Variants in PKHD1 observed in about 807,000 individuals in gnomAD.
The protein encoded by PKHD1 is PKHD1 ciliary IPT domain containing fibrocystin/polyductin.
Under a neutral mutation model 412.0 loss-of-function variants are expected in PKHD1, and 291 were observed. The observed-to-expected ratio is 0.71, with a 90% CI of 0.64 to 0.78. PKHD1 has a LOEUF of 0.78. PKHD1 is among the 30% of genes least tolerant of loss of function. The pLI is 0.00. For missense variants in PKHD1, 4,825 were observed against 4,950.7 expected (o/e 0.97, Z 0.76); for synonymous variants, 1,777 against 1,821.5 (o/e 0.98, Z 0.62).
chr6:52,021,477 T>C (rs1281854857), intron 33 of PKHD1, among the ~76,000 whole-genome samples: 1 of 152,208 alleles, frequency 6.6e-6, no homozygotes, highest in African/African-American at 2.4e-5. Context: ...TTAGAGCCTA[T>C]AAATGTGCAG....
chr6:52,039,559 C>G (rs1303988567), intron 27 of PKHD1, among the ~76,000 whole-genome samples: 1 of 152,188 alleles, frequency 6.6e-6, no homozygotes, highest in Non-Finnish European at 1.5e-5. Flanking sequence ...GAGTCAATTA[C>G]ACCTCTTTTC....
intron 33 of PKHD1, among the ~76,000 whole-genome samples, chr6:52,020,883 T>A (rs2128135210): frequency 6.7e-6 from 1 of 149,172 alleles, no homozygotes. Flanking sequence ...CCCTTTGACA[T>A]TTGATGTCCA....
chr6:51,762,102 T>C lies in PKHD1; in HGVS notation c.8643-7164A>G, dbSNP rs567439631. The stretch of plus-strand genomic sequence containing the variant: ...CATCATCATGTGTTACCCAAAAAAC[T>C]GCCATAGCAATGTCTTAACAGTTAG... On this transcript the variant is annotated intron_variant, in intron 55 of 66. Coordinates refer to ENST00000371117, the MANE Select transcript of PKHD1 (RefSeq NM_138694.4). Among the ~76,000 whole-genome samples, 256 of 152,204 alleles carry C rather than the reference T, an allele frequency of 1.7e-3. 1 individual carries two copies. The highest frequency in any genetic ancestry group is 0.014 in the Middle Eastern group (4 of 294).
chr6:51,670,455 TG>T (rs1038981626), intron 60 of PKHD1, among the ~76,000 whole-genome samples: 33 of 151,550 alleles, frequency 2.2e-4, no homozygotes, highest in Non-Finnish European at 1.0e-4. Context: ...GCACGTGAGA[TG>T]GGTTTCCTGA....
Position 52,035,442 on chromosome 6 carries a change from A to G in PKHD1, c.3228+149T>C, listed in dbSNP as rs1209207158. On this transcript the variant is annotated intron_variant, in intron 28 of 66. Transcript: ENST00000371117. ...TGGGGTCAGTTTCCCACTTCATAGCAAAACAGACAATATAACTACTACAAG... is the reference window on the plus strand; with the variant it reads ...TGGGGTCAGTTTCCCACTTCATAGCGAAACAGACAATATAACTACTACAAG... 5 of 834,660 alleles carry G rather than the reference A, an allele frequency of 6.0e-6. No homozygotes were observed. In the African/African-American group the frequency reaches 8.3e-5, roughly 14 times the overall value. 51.7% of individuals were successfully genotyped at this position (834,660 alleles called of 1,614,324 possible). A position where few individuals can be genotyped will look rare whatever the true frequency, so the allele number is the denominator to read the frequency against.
At chr6:51,808,552 A>G (rs9395727) in intron 52 of PKHD1, among the ~76,000 whole-genome samples, 86,086 of 151,788 alleles carry the variant, frequency 0.57, 24,785 homozygotes, top group East Asian at 0.78. Flanking sequence ...GTGTTTATGT[A>G]TGTGTGTCTT....
chr6:51,735,484 G>A (rs541732548), intron 60 of PKHD1, among the ~76,000 whole-genome samples: 151 of 152,146 alleles, frequency 9.9e-4, no homozygotes, highest in Non-Finnish European at 1.5e-3. Flanking sequence ...TAGAATAATT[G>A]TACAATCTCA....
chr6:51,932,771 C>G (rs1004978769), intron 37 of PKHD1, among the ~76,000 whole-genome samples: 3 of 152,162 alleles, frequency 2.0e-5, no homozygotes, highest in Non-Finnish European at 4.4e-5. Flanking sequence ...ATTTGATCCC[C>G]AGTGTCTAGC....
At chr6:52,058,271 G>T (rs1014004308) in intron 16 of PKHD1, 52 bp downstream of exon 16, 54 of 1,592,028 alleles carry the variant, frequency 3.4e-5, no homozygotes, top group African/African-American at 6.7e-5. Context: ...TGCTACATGG[G>T]ACTTTATTCC....
At chr6:51,785,227 T>G (rs1792673110) in intron 53 of PKHD1, among the ~76,000 whole-genome samples, 1 of 152,164 alleles carries the variant, frequency 6.6e-6, no homozygotes, top group Non-Finnish European at 1.5e-5. Flanking sequence ...AGAGGAATTA[T>G]TTTCTCCTTA....
intron 35 of PKHD1, among the ~76,000 whole-genome samples, chr6:51,986,078 A>G (rs1796179607): frequency 6.6e-6 from 1 of 152,254 alleles, no homozygotes; most frequent in Admixed American, 6.5e-5. Flanking sequence ...AATGGGATTA[A>G]TAGGAATAAT....
In PKHD1 at chr6:51,747,732, A is replaced by G. The variant is rs1294668333; in HGVS notation, c.9829+55T>C. The G allele has an allele frequency of 2.0e-6, 3 of 1,510,930 alleles. No individual in the cohort carries two copies. The African/African-American group carries it at 4.1e-5, about 21-fold the overall frequency. The allele number at this position is 1,510,930 out of a possible 1,614,324, so 93.6% of individuals were successfully genotyped here. On this transcript the variant is annotated intron_variant, in intron 58 of 66. Transcript: ENST00000371117. ...ATAAAATTTCAGAATGCCATTAAAA[A>G]TTTTATGCATGGATGTATGAAATGG... is the stretch of plus-strand genomic sequence containing the variant.
At chr6:51,995,569 T>C (rs1797626231) in intron 35 of PKHD1, among the ~76,000 whole-genome samples, 1 of 152,208 alleles carries the variant, frequency 6.6e-6, no homozygotes, top group African/African-American at 2.4e-5. Context: ...ATCCACATCC[T>C]GGTAATCCTT....
At chr6:51,858,966 A>G (rs534993034) in intron 48 of PKHD1, among the ~76,000 whole-genome samples, 1 of 152,314 alleles carries the variant, frequency 6.6e-6, no homozygotes, top group South Asian at 2.1e-4. Context: ...TGCCAAGAGG[A>G]CAAACATAGT....
intron 35 of PKHD1, among the ~76,000 whole-genome samples, chr6:51,970,413 T>C (rs534421765): frequency 1.3e-5 from 2 of 152,374 alleles, no homozygotes; most frequent in Admixed American, 6.5e-5. Context: ...CTGTTCATTA[T>C]GTTGATTACT....
At chr6:51,859,539 A>AAAG (rs1471427230) in intron 48 of PKHD1, among the ~76,000 whole-genome samples, 1 of 151,562 alleles carries the variant, frequency 6.6e-6, no homozygotes, top group African/African-American at 2.4e-5. Context: ...AAAAAAAAAA[A>AAAG]AAAATTACCT....
intron 60 of PKHD1, among the ~76,000 whole-genome samples, chr6:51,661,576 C>T (rs1043107880): frequency 6.6e-6 from 1 of 151,856 alleles, no homozygotes; most frequent in Admixed American, 6.6e-5. Context: ...GTAGTAACTT[C>T]GGAAGTTGTT....
chr6:52,060,144 G>T, intron 14 of PKHD1, 102 bp from the exon 15 acceptor site: 2 of 718,032 alleles, frequency 2.8e-6, no homozygotes, highest in Admixed American at 1.9e-5. Context: ...TGGTAATAAA[G>T]AAGAACAACC....
chr6:51,724,843 G>T (rs1304513772), intron 60 of PKHD1, among the ~76,000 whole-genome samples: 1 of 152,142 alleles, frequency 6.6e-6, no homozygotes, highest in Non-Finnish European at 1.5e-5. Flanking sequence ...AAACGAGAAG[G>T]CAATACAATC....
Sources: allele counts gnomAD v4.1 joint callset (sites outside exome capture counted in the v4.1 genomes callset), GRCh38; gene constraint gnomAD v4.1.1; transcripts MANE v1.5; gene names NCBI Gene and HGNC (gene_info 2026-07-23, HGNC 2026-07-21).